Variants in TMEM120B observed in about 807,000 individuals in gnomAD.
TMEM120B encodes transmembrane protein 120B.
Under a neutral mutation model 55.5 loss-of-function variants are expected in TMEM120B, and 31 were observed. The observed-to-expected ratio is 0.56, with a 90% CI of 0.42 to 0.75. The LOEUF (loss-of-function observed/expected upper bound fraction) is 0.75. TMEM120B is among the 30% of genes least tolerant of loss of function. TMEM120B has a pLI of 0.00. For synonymous variants in TMEM120B, 203 were observed against 176.3 expected (o/e 1.15, Z -1.20); for missense variants, 399 against 425.5 (o/e 0.94, Z 0.55).
intron 2 of TMEM120B, among the ~76,000 whole-genome samples, chr12:121,746,186 C>CA (rs1566514817): frequency 6.7e-6 from 1 of 149,250 alleles, no homozygotes; most frequent in African/African-American, 2.5e-5. Context: ...AAACCGCCCC[C>CA]CCACTTTTTT....
Position 121,748,407 on chromosome 12 carries a change from C to T in TMEM120B, c.270C>T (p.Phe90=), listed in dbSNP as rs200697173. ...ACATCAAGGAGCGGCAGGACGTCTTCTTCGACATGGAGGCCTACCTGCCCA... is the reference window on the plus strand; with the variant it reads ...ACATCAAGGAGCGGCAGGACGTCTTTTTCGACATGGAGGCCTACCTGCCCA... ...AANIKERQDV[F]FDMEAYLPKK... Residue 90 remains phenylalanine (F), a synonymous_variant, in exon 3 of 12, where the codon TTC becomes TTT. Coordinates refer to ENST00000449592, the MANE Select transcript of TMEM120B (RefSeq NM_001080825.2). 1.2e-6 allele frequency: 2 copies of T among 1,610,908 alleles called. No individual in the cohort carries two copies.
rs1223928643 is a variant in TMEM120B at position 121,776,070 on chromosome 12, G to A, written c.*348G>A. On this transcript the variant is annotated 3_prime_UTR_variant, in exon 12 of 12. Transcript: ENST00000449592. ...TGTCATTTGAACCCCTCTGGGTGGG[G>A]TTTGGATGTGCCTCGCGGGGTTGGA... is the stretch of plus-strand genomic sequence containing the variant. 4 of 552,644 alleles carry A rather than the reference G, an allele frequency of 7.2e-6. No individual in the cohort carries two copies. Among genetic ancestry groups the A allele is most frequent in the Non-Finnish European group, 1.3e-5 (4 of 314,212 alleles). The allele number at this position is 552,644 out of a possible 1,614,324, so 34.2% of individuals were successfully genotyped here. A position where few individuals can be genotyped will look rare whatever the true frequency, so the allele number is the denominator to read the frequency against.
intron 1 of TMEM120B, among the ~76,000 whole-genome samples, chr12:121,726,681 G>T (rs1894901350): frequency 6.6e-6 from 1 of 151,530 alleles, no homozygotes; most frequent in Admixed American, 6.6e-5. Context: ...AAGGTAGGTG[G>T]ATTGCCTGAG....
chr12:121,724,384 G>C (rs1164431991), intron 1 of TMEM120B, among the ~76,000 whole-genome samples: 1 of 152,012 alleles, frequency 6.6e-6, no homozygotes, highest in Non-Finnish European at 1.5e-5. Flanking sequence ...ATGTTGGTCA[G>C]GCTGATCTCG....
At chr12:121,743,968 C>G (rs1399758690) in intron 2 of TMEM120B, among the ~76,000 whole-genome samples, 1 of 152,154 alleles carries the variant, frequency 6.6e-6, no homozygotes, top group Non-Finnish European at 1.5e-5. Context: ...GGGTGACTGT[C>G]CCCTTCACCA....
Position 121,775,765 on chromosome 12 carries a change from G to C in TMEM120B, c.*43G>C. ...CCTCGGCCCGGACTTCAGACTGCAGGGGGCTCCCGGGCTCCTTCCCAGCAG... is the reference window on the plus strand; with the variant it reads ...CCTCGGCCCGGACTTCAGACTGCAGCGGGCTCCCGGGCTCCTTCCCAGCAG... On this transcript the variant is annotated 3_prime_UTR_variant, in exon 12 of 12. Transcript: ENST00000449592. The surrounding 1 kb of genome is among the most constrained non-coding windows in gnomAD (Gnocchi z 4.3). The C allele has an allele frequency of 6.2e-7, 1 of 1,602,956 alleles. No homozygotes were observed.
At chr12:121,729,322 C>G (rs1224570986) in intron 1 of TMEM120B, among the ~76,000 whole-genome samples, 1 of 152,182 alleles carries the variant, frequency 6.6e-6, no homozygotes. Context: ...CTGGAGACAC[C>G]CTGATGTGCA....
At chr12:121,774,777 A>G in intron 10 of TMEM120B, 55 bp downstream of exon 10, 1 of 1,589,370 alleles carries the variant, frequency 6.3e-7, no homozygotes, top group Non-Finnish European at 8.6e-7. Context: ...CCCCAGGAAC[A>G]GAAGGTCTTC....
intron 1 of TMEM120B, among the ~76,000 whole-genome samples, chr12:121,723,404 T>C (rs907998644): frequency 6.6e-6 from 1 of 152,134 alleles, no homozygotes; most frequent in African/African-American, 2.4e-5. Context: ...GTTTAATGGC[T>C]GGAGCTGGCC....
At chr12:121,758,464 T>C (rs1413768892) in intron 5 of TMEM120B, 7 of 938,230 alleles carry the variant, frequency 7.5e-6, no homozygotes, top group Admixed American at 1.7e-4. Flanking sequence ...ATGGCCTAGC[T>C]CCACGCTGTG....
chr12:121,723,608 C>T (rs981555365), intron 1 of TMEM120B, among the ~76,000 whole-genome samples: 1 of 152,172 alleles, frequency 6.6e-6, no homozygotes, highest in African/African-American at 2.4e-5. Flanking sequence ...CTTCTGGTGA[C>T]TACCATTGAC....
chr12:121,774,961 T>C, intron 10 of TMEM120B, 101 bp from the exon 11 acceptor site: 2 of 1,320,654 alleles, frequency 1.5e-6, no homozygotes, highest in Non-Finnish European at 2.2e-6. Flanking sequence ...TGTGGGTAGT[T>C]GATACCCAAA....
chr12:121,751,311 C>A, intron 4 of TMEM120B, among the ~76,000 whole-genome samples: 1 of 125,914 alleles, frequency 7.9e-6, no homozygotes. Flanking sequence ...ACACCCACAC[C>A]CCATACCCCA....
chr12:121,760,226 C>T (rs185119067), intron 5 of TMEM120B, among the ~76,000 whole-genome samples: 1 of 151,966 alleles, frequency 6.6e-6, no homozygotes, highest in African/African-American at 2.4e-5. Context: ...TCGGTTGAAC[C>T]CGGGAGGCAG....
intron 1 of TMEM120B, among the ~76,000 whole-genome samples, chr12:121,714,248 CTTGTT>C (rs751229194): frequency 2.7e-4 from 41 of 152,156 alleles, no homozygotes; most frequent in Admixed American, 1.0e-3. Flanking sequence ...TCAGCCACTT[CTTGTT>C]TTGTTTTGTT....
chr12:121,745,115 G>A (rs570212574), intron 2 of TMEM120B, among the ~76,000 whole-genome samples: 35 of 152,248 alleles, frequency 2.3e-4, no homozygotes, highest in African/African-American at 5.3e-4. Context: ...CCTGCCCCAG[G>A]TGTGTCCACC....
chr12:121,774,871 C>A, intron 10 of TMEM120B, 149 bp downstream of exon 10: 1 of 1,194,650 alleles, frequency 8.4e-7, no homozygotes, highest in Non-Finnish European at 1.2e-6. Flanking sequence ...CCCAGGGATG[C>A]CAAGGCAGGA....
At position 121,781,249 on chromosome 12, in the gene TMEM120B, C is replaced by T. The variant is rs1056847980; in HGVS notation, c.*5527C>T. 1.4e-4 allele frequency: 211 copies of T among 1,514,146 alleles called. No homozygotes were observed. Among genetic ancestry groups the T allele is most frequent in the Non-Finnish European group, 1.6e-4 (179 of 1,094,220 alleles). The allele number at this position is 1,514,146 out of a possible 1,614,324, so 93.8% of individuals were successfully genotyped here. The stretch of plus-strand genomic sequence containing the variant: ...CGTCCCCTCCCTGTCTGGACTCTGA[C>T]GGGTGAAGGGGAAGGGGCCAGGCAA... On this transcript the variant is annotated 3_prime_UTR_variant, in exon 12 of 12. Coordinates refer to ENST00000449592, the MANE Select transcript of TMEM120B (RefSeq NM_001080825.2).
At position 121,775,028 on chromosome 12, in the gene TMEM120B, C is replaced by G. The variant is rs1204065592; in HGVS notation, c.838-34C>G. 1.9e-6 allele frequency: 3 copies of G among 1,611,634 alleles called. No homozygotes were observed. The South Asian group carries it at 3.3e-5, about 18-fold the overall frequency. On this transcript the variant is annotated intron_variant, in intron 10 of 11. Transcript: ENST00000449592. The surrounding 1 kb of genome is among the most constrained non-coding windows in gnomAD (Gnocchi z 4.3). ...TTTCTACGTGGCCGGCCAGGGGAGTCTGGTGGGTGAGCAGCGCCTGCCTTC... is the reference window on the plus strand; with the variant it reads ...TTTCTACGTGGCCGGCCAGGGGAGTGTGGTGGGTGAGCAGCGCCTGCCTTC...
Sources: gnomAD v4.1 joint callset for allele counts (sites outside exome capture counted in the v4.1 genomes callset) on GRCh38, gnomAD v4.1.1 for gene constraint, Gnocchi (gnomAD v3.1) non-coding constraint, MANE v1.5 for transcripts, NCBI Gene and HGNC (gene_info 2026-07-23, HGNC 2026-07-21) for gene names.